GRM2: variants seen among roughly 807,000 people sequenced by gnomAD.
GRM2 encodes glutamate metabotropic receptor 2.
GRM2 carries 35 observed loss-of-function variants against 60.4 expected under a neutral mutation model. The observed-to-expected ratio is 0.58, with a 90% CI of 0.44 to 0.77. GRM2 has a LOEUF of 0.77. GRM2 is among the 30% of genes least tolerant of loss of function. GRM2 has a pLI of 0.00. For synonymous variants in GRM2, 437 were observed against 484.1 expected, an observed-to-expected ratio of 0.90 and a Z score of 1.28; for missense variants, 925 against 1,199.5, an observed-to-expected ratio of 0.77 and a Z score of 3.38.
At chr3:51,707,429 G>C (rs528763644) in intron 1 of GRM2, 2 of 153,558 alleles carry the variant, frequency 1.3e-5, no homozygotes, top group African/African-American at 4.8e-5. Flanking sequence ...CTGTGCCTCC[G>C]TCTTTGTCTC....
chr3:51,714,212 G>A, intron 3 of GRM2: 1 of 231,766 alleles, frequency 4.3e-6, no homozygotes, highest in Non-Finnish European at 8.8e-6. Context: ...TGATGTTAGA[G>A]CAAGGCTAAA....
rs1393184263 is a variant in GRM2 at position 51,717,653 on chromosome 3, T to A, written c.2381T>A (p.Met794Lys). 1 of 1,613,652 alleles carries A rather than the reference T, an allele frequency of 6.2e-7. No homozygotes were observed. Among genetic ancestry groups the A allele is most frequent in the Admixed American group, 1.7e-5 (1 of 60,022 alleles). The stretch of plus-strand genomic sequence containing the variant: ...CCACCGCAGGTACAGACCACCACCA[T>A]GTGCGTGTCAGTCAGCCTCAGCGGC... ...SSDYRVQTTT[M>K]CVSVSLSGSV... Residue 794 changes from methionine (M) to lysine (K), a missense_variant, in exon 5 of 6, where the codon ATG becomes AAG. By Grantham distance (95) the Met-to-Lys change is moderately conservative (BLOSUM62 -1). Transcript: ENST00000395052. This position sits in a 1 kb window ranked among gnomAD's most constrained non-coding sequence, Gnocchi z 6.0.
Position 51,718,538 on chromosome 3 carries a change from C to T in GRM2, c.*426C>T. On this transcript the variant is annotated 3_prime_UTR_variant, in exon 6 of 6. Coordinates refer to ENST00000395052, the MANE Select transcript of GRM2 (RefSeq NM_000839.5). This position sits in a 1 kb window ranked among gnomAD's most constrained non-coding sequence, Gnocchi z 4.2. Reference sequence around the variant, plus strand: ...GGAGGGTGGTTATTGTGGGGGCTGCCCCTCCCCCTGCACAGTAGTTTGTCC... The same window carrying T: ...GGAGGGTGGTTATTGTGGGGGCTGCTCCTCCCCCTGCACAGTAGTTTGTCC... The T allele has an allele frequency of 5.3e-6, 1 of 187,646 alleles. No individual in the cohort carries two copies. The highest frequency in any genetic ancestry group is 1.1e-5 in the Non-Finnish European group (1 of 90,162). The allele number at this position is 187,646 out of a possible 1,614,324, so 11.6% of individuals were successfully genotyped here.
intron 2 of GRM2, among the ~76,000 whole-genome samples, 185 bp downstream of exon 2, chr3:51,709,618 CTG>C (rs113242697): frequency 0.015 from 2,226 of 149,902 alleles, 46 homozygotes; most frequent in African/African-American, 0.051. Context: ...TTTTTAGAGA[CTG>C]TGCAAGAGAA....
chr3:51,717,554 C>T lies in GRM2; in HGVS notation c.2365-83C>T. On this transcript the variant is annotated intron_variant, in intron 4 of 5. Coordinates refer to ENST00000395052, the MANE Select transcript of GRM2 (RefSeq NM_000839.5). The surrounding 1 kb of genome is among the most constrained non-coding windows in gnomAD (Gnocchi z 6.0). ...TGTTGGATGCTTAGTCTCCCCCACT[C>T]CCTCCCCCACAGATCAGGCAGGGGG... 1 of 1,100,828 alleles carries T rather than the reference C, an allele frequency of 9.1e-7. No homozygotes were observed. Among genetic ancestry groups the T allele is most frequent in the Non-Finnish European group, 1.3e-6 (1 of 744,458 alleles). 68.2% of individuals were successfully genotyped at this position (1,100,828 alleles called of 1,614,324 possible).
rs1317863302 is a variant in GRM2, at chr3:51,713,948, T to G, written c.1288+638T>G. 4.4e-6 allele frequency: 2 copies of G among 454,810 alleles called. No homozygotes were observed. Among genetic ancestry groups the G allele is most frequent in the Non-Finnish European group, 8.8e-6 (2 of 226,034 alleles). 28.2% of individuals were successfully genotyped at this position (454,810 alleles called of 1,614,324 possible). On this transcript the variant is annotated intron_variant, in intron 3 of 5. Transcript: ENST00000395052. The surrounding 1 kb of genome is among the most constrained non-coding windows in gnomAD (Gnocchi z 4.8). ...CAGGGAAAATTTCTATTCCTAATCT[T>G]GATTTTCCACTCAAGGTGACCTGAA...
intron 2 of GRM2, among the ~76,000 whole-genome samples, chr3:51,710,439 A>C (rs756858351): frequency 8.5e-5 from 13 of 152,210 alleles, no homozygotes; most frequent in Non-Finnish European, 1.6e-4. Flanking sequence ...GAGGAAACGA[A>C]GGCTCAGAGA....
chr3:51,708,674 C>T (rs1703586327), intron 1 of GRM2, 174 bp from the exon 2 acceptor site: 1 of 279,144 alleles, frequency 3.6e-6, no homozygotes, highest in Non-Finnish European at 6.8e-6. Context: ...GGCTGAGAGA[C>T]AGGTCCAGGG....
chr3:51,714,343 A>G (rs1321599609), intron 3 of GRM2: 2 of 161,634 alleles, frequency 1.2e-5, no homozygotes, highest in Non-Finnish European at 2.7e-5. Context: ...AGGCTGCACT[A>G]TTCACTCATG....
chr3:51,717,795 G>A lies in GRM2; in HGVS notation c.2523G>A (p.Arg841=). 6.2e-7 allele frequency: 1 copy of A among 1,613,944 alleles called. No individual in the cohort carries two copies. Among genetic ancestry groups the A allele is most frequent in the Non-Finnish European group, 8.5e-7 (1 of 1,179,906 alleles). The stretch of plus-strand genomic sequence containing the variant: ...GCCGCTTTGGCAGTGCTGCTGCCAG[G>A]GCCAGCTCCAGCCTTGGCCAAGGTC... ...PTSRFGSAAA[R]ASSSLGQGSG... The change falls in exon 5 of 6, where the codon AGG becomes AGA. Residue 841 remains arginine, a synonymous_variant. Coordinates refer to ENST00000395052, the MANE Select transcript of GRM2 (RefSeq NM_000839.5). This position sits in a 1 kb window ranked among gnomAD's most constrained non-coding sequence, Gnocchi z 6.0.
In GRM2 at chr3:51,707,179, C is replaced by CGGT. The variant is rs200682913; in HGVS notation, c.-137+23_-137+25dup. The CGGT allele has an allele frequency of 6.6e-6, 1 of 152,440 alleles. No individual in the cohort carries two copies. Among genetic ancestry groups the CGGT allele is most frequent in the African/African-American group, 2.4e-5 (1 of 41,426 alleles). 9.4% of individuals were successfully genotyped at this position (152,440 alleles called of 1,614,324 possible). On this transcript the variant is annotated intron_variant, in intron 1 of 5. Transcript: ENST00000395052. The stretch of plus-strand genomic sequence containing the variant: ...AGCCAGCGCGCCAGGTAGGGTGAGC[C>CGGT]GGTGGTGGTGGTGCCGCTGCCGCTG...
chr3:51,712,570 G>A lies in GRM2; in HGVS notation c.548G>A (p.Arg183His), dbSNP rs1485116568. 8 of 1,613,928 alleles carry A rather than the reference G, an allele frequency of 5.0e-6. No homozygotes were observed. Among genetic ancestry groups the A allele is most frequent in the African/African-American group, 1.3e-5 (1 of 74,932 alleles). The change falls in exon 3 of 6, where the codon CGC becomes CAC. Residue 183 changes from arginine (R) to histidine (H), a missense_variant. Physicochemically the swap from Arg to His is conservative, Grantham distance 29. Transcript: ENST00000395052. This position sits in a 1 kb window ranked among gnomAD's most constrained non-coding sequence, Gnocchi z 5.3. ...AAGTCCCGCTATGACTACTTTGCCC[G>A]CACAGTGCCTCCTGACTTCTTCCAA... ...SDKSRYDYFA[R>H]TVPPDFFQAK...
At chr3:51,708,347 C>G (rs1026794152) in intron 1 of GRM2, 1 of 152,180 alleles carries the variant, frequency 6.6e-6, no homozygotes, top group African/African-American at 2.4e-5. Flanking sequence ...AGTCTCCCCA[C>G]GGGTTGGAGA....
At position 51,708,791 on chromosome 3, in the gene GRM2, CT is replaced by C. The variant is rs995438956; in HGVS notation, c.-136-56del. ...GGGGAGGCAGAGTCAGAAGGGGCAGCTGCTCTCAGGTTCCACTTTTCCTGGT... is the reference window on the plus strand; with the variant it reads ...GGGGAGGCAGAGTCAGAAGGGGCAGCGCTCTCAGGTTCCACTTTTCCTGGT... On this transcript the variant is annotated intron_variant, in intron 1 of 5. Transcript: ENST00000395052. 7.6e-6 allele frequency: 4 copies of C among 529,618 alleles called. No homozygotes were observed. In the African/African-American group the frequency reaches 7.6e-5, roughly 10 times the overall value. The allele number at this position is 529,618 out of a possible 1,614,324, so 32.8% of individuals were successfully genotyped here.
rs780875749 is a variant in GRM2 at position 51,712,902 on chromosome 3, A to T, written c.880A>T (p.Ser294Cys). The T allele has an allele frequency of 6.2e-7, 1 of 1,612,990 alleles. No individual in the cohort carries two copies. Among genetic ancestry groups the T allele is most frequent in the Non-Finnish European group, 8.5e-7 (1 of 1,180,012 alleles). The change falls in exon 3 of 6, where the codon AGT (serine) becomes TGT (cysteine). Residue 294 changes from serine (S) to cysteine (C), a missense_variant. Transcript: ENST00000395052. The surrounding 1 kb of genome is among the most constrained non-coding windows in gnomAD (Gnocchi z 5.3). ...RLNASFTWVASDGWGALESVV... is the reference protein window; with the variant it reads ...RLNASFTWVACDGWGALESVV... ...CAATGCCAGCTTCACCTGGGTGGCCAGTGATGGTTGGGGGGCCCTGGAGAG... is the reference window on the plus strand; with the variant it reads ...CAATGCCAGCTTCACCTGGGTGGCCTGTGATGGTTGGGGGGCCCTGGAGAG...
chr3:51,707,256 T>C (rs1253294452), intron 1 of GRM2, 89 bp downstream of exon 1: 1 of 152,542 alleles, frequency 6.6e-6, no homozygotes, highest in Non-Finnish European at 1.5e-5. Context: ...GGCCCTCAAG[T>C]TGTGGGGCGC....
At chr3:51,709,503 A>G (rs990927702) in intron 2 of GRM2, 70 bp downstream of exon 2, 5 of 1,104,432 alleles carry the variant, frequency 4.5e-6, no homozygotes, top group Non-Finnish European at 6.3e-6. Context: ...TTCCTGCTGA[A>G]AAGGGGCTCA....
intron 1 of GRM2, chr3:51,707,380 G>T (rs1452180363): frequency 2.0e-5 from 3 of 153,196 alleles, no homozygotes; most frequent in Non-Finnish European, 4.4e-5. Context: ...GCACTCCCCC[G>T]TTCCTCCTGC....
At position 51,712,416 on chromosome 3, in the gene GRM2, C is replaced by T; in HGVS notation, c.451-57C>T. Reference sequence around the variant, plus strand: ...AGACCTGCTAGCTGTGGGGGATGCACCTGTCTCTAGTGTTTGATCTGACCG... The same window carrying T: ...AGACCTGCTAGCTGTGGGGGATGCATCTGTCTCTAGTGTTTGATCTGACCG... On this transcript the variant is annotated intron_variant, in intron 2 of 5. Transcript: ENST00000395052. The surrounding 1 kb of genome is among the most constrained non-coding windows in gnomAD (Gnocchi z 5.3). The T allele has an allele frequency of 8.7e-7, 1 of 1,152,182 alleles. No homozygotes were observed. The highest frequency in any genetic ancestry group is 1.5e-5 in the African/African-American group (1 of 66,272). The allele number at this position is 1,152,182 out of a possible 1,614,324, so 71.4% of individuals were successfully genotyped here. A position where few individuals can be genotyped will look rare whatever the true frequency, so the allele number is the denominator to read the frequency against.
Sources: gnomAD v4.1 joint callset for allele counts (sites outside exome capture counted in the v4.1 genomes callset) on GRCh38, gnomAD v4.1.1 for gene constraint, Gnocchi (gnomAD v3.1) non-coding constraint, MANE v1.5 for transcripts, NCBI Gene and HGNC (gene_info 2026-07-23, HGNC 2026-07-21) for gene names.